Variants in CARMIL1 observed in about 807,000 individuals in gnomAD.
CARMIL1 encodes the protein capping protein regulator and myosin 1 linker 1.
Under a neutral mutation model 177.1 loss-of-function variants are expected in CARMIL1, and 90 were observed. The observed-to-expected ratio is 0.51, with a 90% CI of 0.43 to 0.61. The LOEUF (loss-of-function observed/expected upper bound fraction) is 0.61. Among genes scored for constraint, CARMIL1 ranks in the 20% least tolerant of loss-of-function variants. The probability of loss-of-function intolerance (pLI) is 0.00; values close to 1 mark genes in which losing one functional copy is unlikely to be tolerated. For missense variants in CARMIL1, 1,380 were observed against 1,667.0 expected (o/e 0.83, Z 3.00); for synonymous variants, 577 against 606.2 (o/e 0.95, Z 0.71).
intron 2 of CARMIL1, among the ~76,000 whole-genome samples, chr6:25,393,710 ATT>A (rs531830183): frequency 4.9e-5 from 7 of 143,570 alleles, no homozygotes; most frequent in African/African-American, 1.8e-4. Context: ...CTGCTCTACA[ATT>A]TTTTTTTTTT....
At chr6:25,352,624 CTTAT>C (rs1006445242) in intron 2 of CARMIL1, among the ~76,000 whole-genome samples, 4 of 152,088 alleles carry the variant, frequency 2.6e-5, no homozygotes, top group African/African-American at 9.7e-5. Flanking sequence ...TTTTTTAAAG[CTTAT>C]TTATTTTCTC....
chr6:25,565,449 C>T (rs573841907), intron 29 of CARMIL1, among the ~76,000 whole-genome samples: 1 of 152,314 alleles, frequency 6.6e-6, no homozygotes, highest in Admixed American at 6.5e-5. Flanking sequence ...CCAAGTAAAG[C>T]CACAGTACAG....
chr6:25,295,407 A>G (rs887910261), intron 2 of CARMIL1, among the ~76,000 whole-genome samples: 55 of 152,050 alleles, frequency 3.6e-4, no homozygotes, highest in African/African-American at 1.3e-3. Flanking sequence ...TATTTCCAAT[A>G]TTTTGCCTTA....
In CARMIL1 at chr6:25,296,893, T is replaced by C. The variant is rs183360145; in HGVS notation, c.138+11984T>C. ...CCTTTTCTTATAAGAATATCTATCT[T>C]TATCTATCTATCTATCTATCTATCT... On this transcript the variant is annotated intron_variant, in intron 2 of 36. Coordinates refer to ENST00000329474, the MANE Select transcript of CARMIL1 (RefSeq NM_017640.6). Among the ~76,000 whole-genome samples, 213 of 85,936 alleles carry C rather than the reference T, an allele frequency of 2.5e-3. 1 individual carries two copies. The highest frequency in any genetic ancestry group is 0.01 in the African/African-American group (194 of 18,504). The allele number at this position is 85,936 out of a possible 152,430, so 56.4% of individuals were successfully genotyped here. A position where few individuals can be genotyped will look rare whatever the true frequency, so the allele number is the denominator to read the frequency against.
At chr6:25,417,489 AT>A (rs1795462842) in intron 2 of CARMIL1, among the ~76,000 whole-genome samples, 1 of 152,184 alleles carries the variant, frequency 6.6e-6, no homozygotes, top group Non-Finnish European at 1.5e-5. Flanking sequence ...GCATACTTGG[AT>A]TTAAAAAGAG....
intron 23 of CARMIL1, among the ~76,000 whole-genome samples, chr6:25,528,111 G>A (rs977305162): frequency 3.3e-5 from 5 of 151,898 alleles, no homozygotes; most frequent in African/African-American, 1.2e-4. Flanking sequence ...TTTTAATCTA[G>A]TTATCATTTA....
intron 4 of CARMIL1, 95 bp from the exon 5 acceptor site, chr6:25,435,388 A>G: frequency 1.4e-6 from 2 of 1,393,950 alleles, no homozygotes; most frequent in Non-Finnish European, 1.9e-6. Context: ...GTATTAGTAT[A>G]TATCTGTGTG....
chr6:25,373,379 A>G (rs1340796798), intron 2 of CARMIL1, among the ~76,000 whole-genome samples: 2 of 137,098 alleles, frequency 1.5e-5, no homozygotes, highest in African/African-American at 5.4e-5. Context: ...CTGTGAATCT[A>G]TCTGGCCTTC....
chr6:25,564,192 C>A (rs978055274), intron 29 of CARMIL1, among the ~76,000 whole-genome samples: 15 of 152,132 alleles, frequency 9.9e-5, no homozygotes, highest in Non-Finnish European at 2.1e-4. Context: ...CTCTCTCTAC[C>A]TGGTGTGTTT....
intron 2 of CARMIL1, among the ~76,000 whole-genome samples, chr6:25,412,332 A>G (rs1794974192): frequency 6.6e-6 from 1 of 152,362 alleles, no homozygotes; most frequent in African/African-American, 2.4e-5. Flanking sequence ...CAATAATCCC[A>G]GTCCTTTGGG....
chr6:25,592,782 C>T (rs942457009), intron 31 of CARMIL1, among the ~76,000 whole-genome samples: 1 of 152,198 alleles, frequency 6.6e-6, no homozygotes, highest in Non-Finnish European at 1.5e-5. Flanking sequence ...GCTTTCCCAC[C>T]GCTCTATGGC....
At chr6:25,513,754 C>T (rs1456163085) in intron 20 of CARMIL1, among the ~76,000 whole-genome samples, 1 of 152,154 alleles carries the variant, frequency 6.6e-6, no homozygotes, top group East Asian at 1.9e-4. Context: ...ACCTTGAGAG[C>T]TCCAATCCCC....
At chr6:25,585,752 T>C (rs1358044894) in intron 31 of CARMIL1, among the ~76,000 whole-genome samples, 1 of 152,046 alleles carries the variant, frequency 6.6e-6, no homozygotes, top group Non-Finnish European at 1.5e-5. Context: ...TGATGACTCT[T>C]AAGGAGCATG....
At chr6:25,593,838 T>A in intron 31 of CARMIL1, among the ~76,000 whole-genome samples, 1 of 152,172 alleles carries the variant, frequency 6.6e-6, no homozygotes, top group East Asian at 1.9e-4. Flanking sequence ...ACACCAGGAT[T>A]ATATCCCACT....
At chr6:25,573,061 G>T (rs1013151032) in intron 29 of CARMIL1, among the ~76,000 whole-genome samples, 13 of 152,238 alleles carry the variant, frequency 8.5e-5, no homozygotes, top group Middle Eastern at 3.4e-3. Flanking sequence ...GGGCTCTGGG[G>T]ATCTAGAAGT....
intron 2 of CARMIL1, chr6:25,350,643 T>C (rs180815965): frequency 1.3e-5 from 2 of 152,322 alleles, no homozygotes; most frequent in South Asian, 2.1e-4. Context: ...ATAGTTATTC[T>C]TGACAAGGAG....
chr6:25,573,814 T>C (rs2151227759), intron 29 of CARMIL1, among the ~76,000 whole-genome samples: 1 of 152,140 alleles, frequency 6.6e-6, no homozygotes, highest in Admixed American at 6.5e-5. Flanking sequence ...TTAAGGTTAA[T>C]ATTAATTTTT....
intron 2 of CARMIL1, among the ~76,000 whole-genome samples, chr6:25,321,653 ATTAAT>A (rs1156267488): frequency 6.7e-6 from 1 of 148,274 alleles, no homozygotes; most frequent in Non-Finnish European, 1.5e-5. Flanking sequence ...TCACTTATTT[ATTAAT>A]TTAATTTAAT....
chr6:25,310,326 G>A (rs944888048), intron 2 of CARMIL1, among the ~76,000 whole-genome samples: 1 of 152,208 alleles, frequency 6.6e-6, no homozygotes, highest in Non-Finnish European at 1.5e-5. Context: ...TGCCCCTGAG[G>A]CCACCATATC....
Sources: gnomAD v4.1 joint callset for allele counts (sites outside exome capture counted in the v4.1 genomes callset) on GRCh38, gnomAD v4.1.1 for gene constraint, MANE v1.5 for transcripts, NCBI Gene and HGNC (gene_info 2026-07-23, HGNC 2026-07-21) for gene names.